Variants in NME7 observed in about 807,000 individuals in gnomAD.
The protein encoded by NME7 is nucleoside diphosphate kinase 7.
Under a neutral mutation model 49.1 loss-of-function variants are expected in NME7, and 41 were observed. That is an observed-to-expected ratio of 0.83 (90% CI 0.65 to 1.08). NME7 has a LOEUF of 1.08. NME7 is among the 50% of genes least tolerant of loss of function. NME7 has a pLI of 0.00. For missense variants in NME7, 423 were observed against 463.4 expected (o/e 0.91, Z 0.80); for synonymous variants, 139 against 150.6 (o/e 0.92, Z 0.56).
intron 1 of NME7, among the ~76,000 whole-genome samples, chr1:169,358,558 C>T (rs1653539931): frequency 1.3e-5 from 2 of 152,050 alleles, no homozygotes; most frequent in Admixed American, 6.6e-5. Flanking sequence ...TTCTTCACTA[C>T]AGTCAGACAA....
intron 1 of NME7, among the ~76,000 whole-genome samples, chr1:169,352,398 CA>C (rs1474860168): frequency 6.6e-6 from 1 of 151,692 alleles, no homozygotes; most frequent in Non-Finnish European, 1.5e-5. Flanking sequence ...TTAAAAACAT[CA>C]AAAAATTGGA....
At chr1:169,337,154 G>C (rs941069729) in intron 1 of NME7, among the ~76,000 whole-genome samples, 7 of 152,214 alleles carry the variant, frequency 4.6e-5, no homozygotes, top group African/African-American at 7.2e-5. Context: ...GGCTCGGGCT[G>C]CACAGGAACC....
chr1:169,252,371 G>A (rs182445384), intron 7 of NME7, among the ~76,000 whole-genome samples: 208 of 152,204 alleles, frequency 1.4e-3, no homozygotes, highest in Non-Finnish European at 6.8e-4. Context: ...TTTGAGAAGT[G>A]TCTGTTCATG....
At position 169,257,167 on chromosome 1, in the gene NME7, C is replaced by T. The variant is rs1241766752; in HGVS notation, c.755-19480G>A. Among the ~76,000 whole-genome samples the T allele has an allele frequency of 4.5e-5, 6 of 134,738 alleles. 1 individual carries two copies. The highest frequency in any genetic ancestry group is 1.5e-4 in the African/African-American group (6 of 39,794). The allele number at this position is 134,738 out of a possible 152,430, so 88.4% of individuals were successfully genotyped here. ...GGCGGGCGCCCCTCCCCCAGCCTCGCTGCCACCTTGCAGTTTGATCTCAGA... is the reference window on the plus strand; with the variant it reads ...GGCGGGCGCCCCTCCCCCAGCCTCGTTGCCACCTTGCAGTTTGATCTCAGA... On this transcript the variant is annotated intron_variant, in intron 7 of 11. Coordinates refer to ENST00000367811, the MANE Select transcript of NME7 (RefSeq NM_013330.5).
intron 10 of NME7, among the ~76,000 whole-genome samples, chr1:169,217,200 C>A (rs1660995133): frequency 6.6e-6 from 1 of 152,114 alleles, no homozygotes; most frequent in African/African-American, 2.4e-5. Flanking sequence ...CCAAGTATAG[C>A]ACTCCAATAA....
chr1:169,322,234 A>G (rs979277706), intron 3 of NME7: 3 of 152,174 alleles, frequency 2.0e-5, no homozygotes, highest in African/African-American at 7.2e-5. Context: ...TTTACAGATG[A>G]CTGTATCTCT....
chr1:169,219,699 C>T (rs1341689833), intron 10 of NME7, among the ~76,000 whole-genome samples: 1 of 152,096 alleles, frequency 6.6e-6, no homozygotes, highest in Admixed American at 6.6e-5. Flanking sequence ...TGTACCCAGC[C>T]TACAATACAT....
chr1:169,350,328 T>C (rs1653119083), intron 1 of NME7, among the ~76,000 whole-genome samples: 1 of 147,514 alleles, frequency 6.8e-6, no homozygotes, highest in Non-Finnish European at 1.5e-5. Flanking sequence ...CTTAGTACAT[T>C]ACTGAGTCCC....
intron 1 of NME7, among the ~76,000 whole-genome samples, chr1:169,334,529 G>T (rs750786254): frequency 3.3e-5 from 5 of 152,064 alleles, no homozygotes; most frequent in Admixed American, 6.5e-5. Flanking sequence ...AATGAAACTG[G>T]AACGCTTCCT....
intron 1 of NME7, among the ~76,000 whole-genome samples, chr1:169,361,004 A>G (rs1653632094): frequency 2.0e-5 from 3 of 152,158 alleles, no homozygotes; most frequent in Admixed American, 2.0e-4. Context: ...AATCCAACTT[A>G]TACTTGTAAT....
intron 1 of NME7, among the ~76,000 whole-genome samples, chr1:169,342,183 T>G (rs1241470017): frequency 6.6e-6 from 1 of 152,140 alleles, no homozygotes; most frequent in East Asian, 1.9e-4. Context: ...GGGAGGTGAC[T>G]GGATCATGGG....
intron 11 of NME7, among the ~76,000 whole-genome samples, chr1:169,150,116 G>A (rs962897760): frequency 3.9e-5 from 6 of 152,112 alleles, no homozygotes; most frequent in African/African-American, 1.4e-4. Flanking sequence ...AGGCTGCATT[G>A]AGCTATGATT....
intron 7 of NME7, among the ~76,000 whole-genome samples, chr1:169,256,209 C>T (rs199817936): frequency 0.14 from 18,981 of 132,276 alleles, 4,798 homozygotes; most frequent in Admixed American, 0.26. Flanking sequence ...ACCAATCAGA[C>T]GTAGATTTGG....
At chr1:169,165,654 A>C (rs1659389360) in intron 11 of NME7, among the ~76,000 whole-genome samples, 1 of 152,232 alleles carries the variant, frequency 6.6e-6, no homozygotes, top group Admixed American at 6.5e-5. Context: ...GTGCTCACTG[A>C]TCAGACAACT....
chr1:169,343,553 A>C (rs1412629995), intron 1 of NME7, among the ~76,000 whole-genome samples: 1 of 149,428 alleles, frequency 6.7e-6, no homozygotes, highest in African/African-American at 2.5e-5. Flanking sequence ...GTGCAATGGC[A>C]TGATCTTGGT....
intron 10 of NME7, among the ~76,000 whole-genome samples, chr1:169,218,152 T>C (rs1442623829): frequency 2.0e-4 from 30 of 152,204 alleles, no homozygotes; most frequent in Non-Finnish European, 4.0e-4. Context: ...ACTGCTTTTT[T>C]CCCTTTTATT....
At chr1:169,198,513 T>C (rs1660452896) in intron 10 of NME7, among the ~76,000 whole-genome samples, 1 of 152,124 alleles carries the variant, frequency 6.6e-6, no homozygotes, top group African/African-American at 2.4e-5. Context: ...ATACAATGGA[T>C]TATGATTTAG....
At chr1:169,224,462 C>A (rs1445214832) in intron 10 of NME7, among the ~76,000 whole-genome samples, 2 of 152,082 alleles carry the variant, frequency 1.3e-5, no homozygotes, top group Non-Finnish European at 2.9e-5. Flanking sequence ...CTCTCTTCTT[C>A]TGAGATTTCC....
At chr1:169,171,147 G>A (rs761875135) in intron 10 of NME7, among the ~76,000 whole-genome samples, 41 of 151,940 alleles carry the variant, frequency 2.7e-4, no homozygotes, top group African/African-American at 9.7e-4. Flanking sequence ...ACCTATAATC[G>A]GCACTTTGGG....
Sources: allele counts gnomAD v4.1 joint callset (sites outside exome capture counted in the v4.1 genomes callset), GRCh38; gene constraint gnomAD v4.1.1; transcripts MANE v1.5; gene names NCBI Gene and HGNC (gene_info 2026-07-23, HGNC 2026-07-21).